The following BRAF variants were observed in gnomAD, a reference collection of about 807,000 sequenced individuals.
BRAF encodes the protein serine/threonine-protein kinase B-raf.
In BRAF, 16 loss-of-function variants were observed where a neutral mutation model predicts 104.6. The ratio of observed to expected loss-of-function variants is 0.15; its 90% confidence interval spans 0.10 to 0.23. BRAF has a LOEUF of 0.23. Ranked by LOEUF, BRAF falls within the 10% of genes least tolerant of loss-of-function variation. The pLI is 1.00. For synonymous variants in BRAF, 310 were observed against 341.6 expected, an observed-to-expected ratio of 0.91 and a Z score of 1.02; for missense variants, 541 against 937.3, an observed-to-expected ratio of 0.58 and a Z score of 5.52.
At position 140,924,638 on chromosome 7, in the gene BRAF, G is replaced by A; in HGVS notation, c.66C>T (p.Asp22=). The change falls in exon 1 of 20, where the codon GAC becomes GAT. Residue 22 remains aspartate (D), a synonymous_variant. Transcript: ENST00000644969. This position sits in a 1 kb window ranked among gnomAD's most constrained non-coding sequence, Gnocchi z 4.2. ...AEPGQALFNG[D]MEPEAGAGAG... ...CGCCGGCGCCGGCCTCGGGCTCCAT[G>A]TCCCCGTTGAACAGAGCCTGGCCCG... 1 of 1,495,416 alleles carries A rather than the reference G, an allele frequency of 6.7e-7. No individual in the cohort carries two copies. Among genetic ancestry groups the A allele is most frequent in the Non-Finnish European group, 9.0e-7 (1 of 1,114,006 alleles). The allele number at this position is 1,495,416 out of a possible 1,614,324, so 92.6% of individuals were successfully genotyped here.
rs775202459 is a variant in BRAF, at chr7:140,754,258, C to T, written c.1815-25G>A. On this transcript the variant is annotated intron_variant, in intron 14 of 19. Transcript: ENST00000644969. ...ACTGAAAAACAAAACATCATTTTAA[C>T]CTGAGTAGGGCTAAAGGACTCTGGC... 3.7e-6 allele frequency: 6 copies of T among 1,610,624 alleles called. No homozygotes were observed. In the African/African-American group the frequency reaches 8.0e-5, roughly 22 times the overall value.
At chr7:140,842,339 A>G (rs1020084046) in intron 2 of BRAF, among the ~76,000 whole-genome samples, 1 of 152,214 alleles carries the variant, frequency 6.6e-6, no homozygotes, top group South Asian at 2.1e-4. Flanking sequence ...GTGTAACTCA[A>G]AGGGTAGGCT....
chr7:140,795,461 C>T (rs1483856505), intron 7 of BRAF, among the ~76,000 whole-genome samples: 1 of 152,118 alleles, frequency 6.6e-6, no homozygotes, highest in East Asian at 1.9e-4. Context: ...CTATTTTATG[C>T]AAACTAATTA....
chr7:140,746,379 G>A (rs191005355), intron 17 of BRAF, among the ~76,000 whole-genome samples: 1 of 152,236 alleles, frequency 6.6e-6, no homozygotes, highest in Non-Finnish European at 1.5e-5. Context: ...AGAGTGGGGG[G>A]ATGACAAAGT....
At chr7:140,798,317 C>A (rs1802709028) in intron 7 of BRAF, among the ~76,000 whole-genome samples, 1 of 143,326 alleles carries the variant, frequency 7.0e-6, no homozygotes, top group Non-Finnish European at 1.5e-5. Context: ...GGCTGGAATG[C>A]AGTGACGTGA....
At position 140,720,761 on chromosome 7, in the gene BRAF, C is replaced by G; in HGVS notation, c.*5733G>C. The stretch of plus-strand genomic sequence containing the variant: ...GCAGTGACTTCCAACTCATACTCCA[C>G]CAAAACACACGTGGGTTCAAAAACT... On this transcript the variant is annotated 3_prime_UTR_variant, in exon 20 of 20. Coordinates refer to ENST00000644969, the MANE Select transcript of BRAF (RefSeq NM_001374258.1). 1 of 1,066,030 alleles carries G rather than the reference C, an allele frequency of 9.4e-7. No homozygotes were observed. Among genetic ancestry groups the G allele is most frequent in the Non-Finnish European group, 1.1e-6 (1 of 879,712 alleles). 66.0% of individuals were successfully genotyped at this position (1,066,030 alleles called of 1,614,324 possible).
chr7:140,816,846 C>T (rs1804936195), intron 3 of BRAF, among the ~76,000 whole-genome samples: 1 of 151,942 alleles, frequency 6.6e-6, no homozygotes, highest in South Asian at 2.1e-4. Flanking sequence ...AGACCCACAG[C>T]TAGAATCATA....
intron 19 of BRAF, chr7:140,731,383 A>G (rs1795950862): frequency 1.3e-5 from 2 of 152,274 alleles, no homozygotes; most frequent in Non-Finnish European, 2.9e-5. Flanking sequence ...TTCTTTGAGA[A>G]AACAGTCACA....
chr7:140,800,145 G>T (rs1241088805), intron 7 of BRAF: 2 of 695,918 alleles, frequency 2.9e-6, no homozygotes, highest in African/African-American at 3.6e-5. Flanking sequence ...ACCCAATATT[G>T]ATTTTTTCAG....
At chr7:140,763,292 C>G (rs1037865542) in intron 14 of BRAF, among the ~76,000 whole-genome samples, 2 of 149,728 alleles carry the variant, frequency 1.3e-5, no homozygotes, top group Admixed American at 6.6e-5. Flanking sequence ...GGGGCTGACC[C>G]CCCCCACCTC....
chr7:140,830,696 C>T (rs544052583), intron 3 of BRAF, among the ~76,000 whole-genome samples: 62 of 152,244 alleles, frequency 4.1e-4, no homozygotes, highest in African/African-American at 9.6e-4. Context: ...AAATATCACA[C>T]CTATATGATG....
intron 7 of BRAF, among the ~76,000 whole-genome samples, chr7:140,796,826 A>C (rs1802539123): frequency 6.6e-6 from 1 of 152,172 alleles, no homozygotes; most frequent in Non-Finnish European, 1.5e-5. Flanking sequence ...TTATAATTTG[A>C]TTTCCCATAA....
chr7:140,880,000 G>A (rs1443640599), intron 1 of BRAF, among the ~76,000 whole-genome samples: 3 of 152,110 alleles, frequency 2.0e-5, no homozygotes, highest in Non-Finnish European at 4.4e-5. Context: ...CCAAAGTGCT[G>A]AGATTACAGG....
chr7:140,778,930 A>C (rs1232477649), intron 12 of BRAF, among the ~76,000 whole-genome samples: 1 of 152,206 alleles, frequency 6.6e-6, no homozygotes, highest in Non-Finnish European at 1.5e-5. Flanking sequence ...GACATACACT[A>C]AAAATGTTTA....
chr7:140,818,715 A>AAATTT (rs1805151716), intron 3 of BRAF, among the ~76,000 whole-genome samples: 2 of 152,226 alleles, frequency 1.3e-5, no homozygotes, highest in Admixed American at 6.5e-5. Context: ...TACCTAAAAC[A>AAATTT]GGCAATTATC....
intron 1 of BRAF, among the ~76,000 whole-genome samples, chr7:140,917,745 T>C (rs1307578432): frequency 6.6e-6 from 1 of 152,198 alleles, no homozygotes; most frequent in East Asian, 1.9e-4. Context: ...GCCCATGAAC[T>C]GGCCCACTAT....
At chr7:140,756,217 T>C (rs758664564) in intron 14 of BRAF, among the ~76,000 whole-genome samples, 2 of 152,180 alleles carry the variant, frequency 1.3e-5, no homozygotes, top group Admixed American at 6.5e-5. Flanking sequence ...CCGAGTTGCA[T>C]AAAAATACAA....
chr7:140,835,590 A>C (rs1807238313), intron 2 of BRAF: 1 of 152,074 alleles, frequency 6.6e-6, no homozygotes, highest in Admixed American at 6.6e-5. Context: ...AAAAAAAAAC[A>C]GAATTGTATT....
intron 8 of BRAF, among the ~76,000 whole-genome samples, chr7:140,788,993 G>A (rs897370299): frequency 6.6e-6 from 1 of 151,696 alleles, no homozygotes; most frequent in South Asian, 2.1e-4. Flanking sequence ...GGTGGATCAC[G>A]AGGTTAGGAG....
Sources: gnomAD v4.1 joint callset for allele counts (sites outside exome capture counted in the v4.1 genomes callset) on GRCh38, gnomAD v4.1.1 for gene constraint, Gnocchi (gnomAD v3.1) non-coding constraint, MANE v1.5 for transcripts, NCBI Gene and HGNC (gene_info 2026-07-23, HGNC 2026-07-21) for gene names.